The following HPF1 variants were observed in gnomAD, a reference collection of about 807,000 sequenced individuals.
HPF1 encodes the protein histone PARylation factor 1.
HPF1 carries 35 observed loss-of-function variants against 38.8 expected under a neutral mutation model. That is an observed-to-expected ratio of 0.90 (90% confidence interval 0.69 to 1.19). The LOEUF (loss-of-function observed/expected upper bound fraction) is 1.19, where lower values mean the gene tolerates loss of function less well. Ranked by LOEUF, HPF1 falls within the 50% of genes most tolerant of loss-of-function variation. The pLI, the probability that HPF1 is intolerant of heterozygous loss-of-function variation, is 0.00. For synonymous variants in HPF1, 115 were observed against 139.2 expected (o/e 0.83, Z 1.22); for missense variants, 367 against 405.8 (o/e 0.90, Z 0.82).
chr4:169,747,783 C>G lies in HPF1; in HGVS notation c.497+961G>C, dbSNP rs184685511. Among the ~76,000 whole-genome samples the G allele has an allele frequency of 3.0e-4, 45 of 152,296 alleles. No individual in the cohort carries two copies. In the East Asian group the frequency reaches 8.3e-3, roughly 28 times the overall value. The stretch of plus-strand genomic sequence containing the variant: ...TGAAATCTCAGAGGCAGAAGAGATA[C>G]CACATGGAGGCTGTGCTTCCACGAT... On this transcript the variant is annotated intron_variant, in intron 4 of 7. Coordinates refer to ENST00000393381, the MANE Select transcript of HPF1 (RefSeq NM_017867.3).
chr4:169,745,288 C>T (rs1734033029), intron 4 of HPF1, among the ~76,000 whole-genome samples: 1 of 152,210 alleles, frequency 6.6e-6, no homozygotes, highest in South Asian at 2.1e-4. Context: ...TGCCCAGCGA[C>T]AGCAAGGGCA....
At chr4:169,747,696 A>G (rs900407343) in intron 4 of HPF1, among the ~76,000 whole-genome samples, 2 of 152,114 alleles carry the variant, frequency 1.3e-5, no homozygotes, top group Non-Finnish European at 2.9e-5. Flanking sequence ...TGCATTTCCC[A>G]TACTACTCTT....
At chr4:169,736,777 G>A (rs1409759113) in intron 6 of HPF1, among the ~76,000 whole-genome samples, 1 of 152,160 alleles carries the variant, frequency 6.6e-6, no homozygotes, top group Non-Finnish European at 1.5e-5. Context: ...CCCCCCAGAA[G>A]AGGATGATCA....
At chr4:169,752,262 C>G (rs1011753541) in intron 2 of HPF1, among the ~76,000 whole-genome samples, 4 of 150,898 alleles carry the variant, frequency 2.7e-5, no homozygotes, top group Non-Finnish European at 5.9e-5. Context: ...CCTCCGCCTC[C>G]TGGGTTCAAG....
chr4:169,743,943 G>A (rs950162910), intron 4 of HPF1, among the ~76,000 whole-genome samples: 14 of 151,742 alleles, frequency 9.2e-5, no homozygotes, highest in African/African-American at 2.7e-4. Context: ...GATTAAACCC[G>A]TAGAGTTACC....
intron 6 of HPF1, among the ~76,000 whole-genome samples, chr4:169,735,580 G>A (rs752887979): frequency 1.3e-5 from 2 of 152,130 alleles, no homozygotes; most frequent in African/African-American, 4.8e-5. Context: ...CACAACTACC[G>A]CAGGGTAACA....
At chr4:169,741,931 CAG>C (rs748878005) in intron 5 of HPF1, 24 bp downstream of exon 5, 2 of 1,602,274 alleles carry the variant, frequency 1.2e-6, no homozygotes, top group African/African-American at 1.3e-5. Flanking sequence ...TATAGCAAAA[CAG>C]AGACCAACAG....
At chr4:169,738,175 C>G (rs1733922433) in intron 5 of HPF1, among the ~76,000 whole-genome samples, 1 of 152,142 alleles carries the variant, frequency 6.6e-6, no homozygotes, top group Non-Finnish European at 1.5e-5. Flanking sequence ...GACAGAACTC[C>G]TCTCATCCAT....
At chr4:169,747,895 G>C (rs559106782) in intron 4 of HPF1, among the ~76,000 whole-genome samples, 3 of 152,320 alleles carry the variant, frequency 2.0e-5, no homozygotes, top group African/African-American at 4.8e-5. Context: ...TTAGCTTCAC[G>C]GGGGCTGAGA....
rs1581311274 is a variant in HPF1, at chr4:169,731,733, C to T, written c.880G>A (p.Gly294Arg). The T allele has an allele frequency of 1.9e-6, 3 of 1,567,884 alleles. No homozygotes were observed. The highest frequency in any genetic ancestry group is 1.7e-4 in the Middle Eastern group (1 of 5,828). The change falls in exon 7 of 8, where the codon GGA (glycine) becomes AGA (arginine). Residue 294 changes from glycine (G) to arginine (R), a missense_variant. Coordinates refer to ENST00000393381, the MANE Select transcript of HPF1 (RefSeq NM_017867.3). Reference sequence around the variant, plus strand: ...GAGCCATAGCAAAAGAGATCCATTCCCAATTCAAGCCCCATGCCATAATCA... The same window carrying T: ...GAGCCATAGCAAAAGAGATCCATTCTCAATTCAAGCCCCATGCCATAATCA... ...ECDYGMGLEL[G>R]MDLFCYGSHY... is the part of the protein sequence containing the mutation.
chr4:169,739,669 G>A (rs1581315890), intron 5 of HPF1, among the ~76,000 whole-genome samples: 1 of 152,274 alleles, frequency 6.6e-6, no homozygotes, highest in South Asian at 2.1e-4. Flanking sequence ...AACCAGATAA[G>A]TATGAGAATA....
rs956574202 is a variant in HPF1 at position 169,729,642 on chromosome 4, GCAAA to G, written c.973_976del (p.Phe325GlnfsTer16). 10 of 1,589,402 alleles carry G rather than the reference GCAAA, an allele frequency of 6.3e-6. No individual in the cohort carries two copies. The highest frequency in any genetic ancestry group is 7.7e-6 in the Non-Finnish European group (9 of 1,169,598). ...TGCCAGATGCTCCTCAATAATTTCT[GCAAA>G]CAGATTCCTCTTCAACAGATTATAT... On this transcript the variant is annotated frameshift_variant, in exon 8 of 8. Transcript: ENST00000393381. LOFTEE classifies it high-confidence loss of function.
At chr4:169,748,871 A>G in intron 3 of HPF1, 29 bp from the exon 4 acceptor site, 1 of 999,530 alleles carries the variant, frequency 1.0e-6, no homozygotes, top group Non-Finnish European at 1.5e-6. Flanking sequence ...TTAAAAATTT[A>G]GCTGCCCATA....
chr4:169,734,799 G>A (rs1263002104), intron 6 of HPF1, among the ~76,000 whole-genome samples: 2 of 152,120 alleles, frequency 1.3e-5, no homozygotes, highest in Admixed American at 1.3e-4. Flanking sequence ...CAACTAGGCA[G>A]GCAACTCTTC....
intron 4 of HPF1, among the ~76,000 whole-genome samples, chr4:169,743,057 C>T (rs1346243035): frequency 6.6e-6 from 1 of 151,470 alleles, no homozygotes; most frequent in Non-Finnish European, 1.5e-5. Context: ...TCCAGTCAGC[C>T]GAGATCGTGC....
At position 169,737,690 on chromosome 4, in the gene HPF1, C is replaced by G; in HGVS notation, c.706G>C (p.Val236Leu). The part of the protein sequence containing the change: ...GLVVPVDKND[V>L]GYRELPETDA... ...GTTTCAGGGAGCTCTCGGTACCCAA[C>G]ATCATTTTTATCTACTGGAACAACC... The change falls in exon 6 of 8, where the codon GTT (valine) becomes CTT (leucine). Residue 236 changes from valine to leucine, a missense_variant. Coordinates refer to ENST00000393381, the MANE Select transcript of HPF1 (RefSeq NM_017867.3). The G allele has an allele frequency of 1.2e-6, 2 of 1,611,816 alleles. No individual in the cohort carries two copies. The highest frequency in any genetic ancestry group is 1.7e-6 in the Non-Finnish European group (2 of 1,178,150).
rs34941625 is a variant in HPF1, at chr4:169,743,409, C to CTTTTTT, written c.498-1308_498-1303dup. Reference sequence around the variant, plus strand: ...ACAGGCGTGAGCCACTGCCCCTGGCCTTTTTTTTTTTTTTTTTTTTTTTTT... The same window carrying CTTTTTT: ...ACAGGCGTGAGCCACTGCCCCTGGCCTTTTTTTTTTTTTTTTTTTTTTTTTTTTTTT... On this transcript the variant is annotated intron_variant, in intron 4 of 7. Coordinates refer to ENST00000393381, the MANE Select transcript of HPF1 (RefSeq NM_017867.3). Among the ~76,000 whole-genome samples, 309 of 69,726 alleles carry CTTTTTT rather than the reference C, an allele frequency of 4.4e-3. 3 individuals are homozygous for CTTTTTT. The highest frequency in any genetic ancestry group is 0.014 in the African/African-American group (214 of 15,414). 45.7% of individuals were successfully genotyped at this position (69,726 alleles called of 152,430 possible). A position where few individuals can be genotyped will look rare whatever the true frequency, so the allele number is the denominator to read the frequency against.
intron 4 of HPF1, among the ~76,000 whole-genome samples, chr4:169,747,308 C>T (rs1734061976): frequency 6.6e-6 from 1 of 151,830 alleles, no homozygotes; most frequent in South Asian, 2.1e-4. Flanking sequence ...TACCAAGTAA[C>T]ATTTTATAGG....
chr4:169,731,646 C>T (rs1733830109), intron 7 of HPF1, 58 bp downstream of exon 7: 7 of 1,336,594 alleles, frequency 5.2e-6, no homozygotes, highest in Admixed American at 2.6e-5. Context: ...GGATGTATGT[C>T]GCGGGGAGAG....
Sources: allele counts gnomAD v4.1 joint callset (sites outside exome capture counted in the v4.1 genomes callset), GRCh38; gene constraint gnomAD v4.1.1; transcripts MANE v1.5; gene names NCBI Gene and HGNC (gene_info 2026-07-23, HGNC 2026-07-21).